The following LILRA5 variants were observed in gnomAD, a reference collection of about 807,000 sequenced individuals.
LILRA5 encodes the protein leukocyte immunoglobulin like receptor A5, also known as leukocyte immunoglobulin-like receptor subfamily A member 5.
LILRA5 carries 31 observed loss-of-function variants against 36.3 expected under a neutral mutation model. The ratio of observed to expected loss-of-function variants is 0.85; its 90% CI spans 0.64 to 1.15. The LOEUF (loss-of-function observed/expected upper bound fraction) is 1.15. Among genes scored for constraint, LILRA5 ranks in the 50% most tolerant of loss-of-function variants. LILRA5 has a pLI of 0.00. For synonymous variants in LILRA5, 144 were observed against 144.8 expected (o/e 0.99, Z 0.04); for missense variants, 348 against 377.4 (o/e 0.92, Z 0.64).
chr19:54,308,436 T>C (rs573467136), intron 5 of LILRA5: 5 of 138,990 alleles, frequency 3.6e-5, no homozygotes, highest in African/African-American at 1.3e-4. Flanking sequence ...TAAAACAATT[T>C]CTGCTTTTAG....
chr19:54,312,166 T>G lies in LILRA5; in HGVS notation c.125-18A>C, dbSNP rs750121232. 2 of 1,612,336 alleles carry G rather than the reference T, an allele frequency of 1.2e-6. No homozygotes were observed. The highest frequency in any genetic ancestry group is 2.2e-5 in the East Asian group (1 of 44,816). On this transcript the variant is annotated intron_variant, in intron 3 of 6. Coordinates refer to ENST00000432233, the MANE Select transcript of LILRA5 (RefSeq NM_021250.4). ...GAGGTTCCCTGGAAGGAAATCAGAGTCTGGGCTCCAAGACCTCCCCACCCC... is the reference window on the plus strand; with the variant it reads ...GAGGTTCCCTGGAAGGAAATCAGAGGCTGGGCTCCAAGACCTCCCCACCCC...
chr19:54,312,726 C>G, intron 1 of LILRA5, 105 bp from the exon 2 acceptor site: 1 of 1,154,434 alleles, frequency 8.7e-7, no homozygotes, highest in Non-Finnish European at 1.3e-6. Flanking sequence ...ACTGCTCTCC[C>G]CAGGAGCCTG....
rs998949176 is a variant in LILRA5, at chr19:54,307,342, C to T, written c.*71G>A. 25 of 1,490,768 alleles carry T rather than the reference C, an allele frequency of 1.7e-5. No homozygotes were observed. The highest frequency in any genetic ancestry group is 2.2e-5 in the Non-Finnish European group (24 of 1,115,720). 92.3% of individuals were successfully genotyped at this position (1,490,768 alleles called of 1,614,324 possible). The stretch of plus-strand genomic sequence containing the variant: ...TGGCATAGGCCTCAGATGGTCTTCC[C>T]GAACCTCCTAGGACCATCAGATTCG... On this transcript the variant is annotated 3_prime_UTR_variant, in exon 7 of 7. Coordinates refer to ENST00000432233, the MANE Select transcript of LILRA5 (RefSeq NM_021250.4).
chr19:54,312,574 G>T lies in LILRA5; in HGVS notation c.51C>A (p.Asp17Glu). Reference sequence around the variant, plus strand: ...GAACCATGAGGGCAGGGCTCACGGCGTCTCCTCCCACTGGCTGCAGCTGTG... The same window carrying T: ...GAACCATGAGGGCAGGGCTCACGGCTTCTCCTCCCACTGGCTGCAGCTGTG... ...PSAQLQPVGG[D>E]AVSPALMVLL... Residue 17 changes from aspartate (D) to glutamate (E), a missense_variant, in exon 2 of 7, where the codon GAC (aspartate) becomes GAA (glutamate). Asp to Glu is a conservative substitution (Grantham distance 45). Transcript: ENST00000432233. 6.2e-7 allele frequency: 1 copy of T among 1,614,168 alleles called. No homozygotes were observed. Among genetic ancestry groups the T allele is most frequent in the Non-Finnish European group, 8.5e-7 (1 of 1,180,018 alleles).
rs375499197 is a variant in LILRA5, at chr19:54,311,473, C to T, written c.653G>A (p.Arg218His). Residue 218 changes from arginine (R) to histidine (H), a missense_variant, in exon 5 of 7, where the codon CGC becomes CAC. By Grantham distance (29) the Arg-to-His change is conservative. Coordinates refer to ENST00000432233, the MANE Select transcript of LILRA5 (RefSeq NM_021250.4). ...HRWMLRCYGS[R>H]RHILQVWSEP... The stretch of plus-strand genomic sequence containing the variant: ...TGACCATACCTGCAGGATATGCCTG[C>T]GAGAGCCATAGCATCTGAGCATCCA... The T allele has an allele frequency of 7.3e-5, 118 of 1,614,146 alleles. No homozygotes were observed. The South Asian group carries it at 8.9e-4, about 12-fold the overall frequency.
At chr19:54,310,733 G>T in intron 5 of LILRA5, 2 of 326,768 alleles carry the variant, frequency 6.1e-6, no homozygotes, top group Non-Finnish European at 1.3e-5. Context: ...GCCGGCCAGT[G>T]GAGGAGGTCA....
chr19:54,311,494 A>G lies in LILRA5; in HGVS notation c.632T>C (p.Met211Thr). Residue 211 changes from methionine to threonine, a missense_variant, in exon 5 of 7, where the codon ATG (methionine) becomes ACG (threonine). By Grantham distance (81) the Met-to-Thr change is moderately conservative (BLOSUM62 -1). Coordinates refer to ENST00000432233, the MANE Select transcript of LILRA5 (RefSeq NM_021250.4). ...CCTGCGAGAGCCATAGCATCTGAGC[A>G]TCCACCTGTGGCTGGGGGTCACAGG... ...VGPVTPSHRW[M>T]LRCYGSRRHI... The G allele has an allele frequency of 6.2e-7, 1 of 1,614,158 alleles. No individual in the cohort carries two copies. Among genetic ancestry groups the G allele is most frequent in the Non-Finnish European group, 8.5e-7 (1 of 1,180,014 alleles).
At chr19:54,312,732 G>A (rs1251064038) in intron 1 of LILRA5, 111 bp from the exon 2 acceptor site, 6 of 1,105,612 alleles carry the variant, frequency 5.4e-6, no homozygotes, top group Non-Finnish European at 7.9e-6. Flanking sequence ...CTCCCCAGGA[G>A]CCTGGCTCTC....
chr19:54,312,783 A>G, intron 1 of LILRA5, 162 bp from the exon 2 acceptor site: 1 of 806,764 alleles, frequency 1.2e-6, no homozygotes, highest in Non-Finnish European at 2.0e-6. Context: ...GACTACAGGC[A>G]CCAGGCTCTC....
Position 54,307,176 on chromosome 19 carries a change from G to A in LILRA5, c.*237C>T, listed in dbSNP as rs1276185736. The A allele has an allele frequency of 1.9e-5, 6 of 313,712 alleles. 1 individual carries two copies. The highest frequency in any genetic ancestry group is 1.2e-4 in the South Asian group (2 of 17,324). 19.4% of individuals were successfully genotyped at this position (313,712 alleles called of 1,614,324 possible). A position where few individuals can be genotyped will look rare whatever the true frequency, so the allele number is the denominator to read the frequency against. On this transcript the variant is annotated 3_prime_UTR_variant, in exon 7 of 7. Transcript: ENST00000432233. ...GGAGAATCACTTGAACCCGAGAGGC[G>A]GAGGTTGCAGTGAGCCCAGATTGCG...
chr19:54,310,729 C>A, intron 5 of LILRA5: 1 of 328,790 alleles, frequency 3.0e-6, no homozygotes, highest in South Asian at 2.4e-5. Context: ...GGCTGCCGGC[C>A]AGTGGAGGAG....
At position 54,313,117 on chromosome 19, in the gene LILRA5, G is replaced by A; in HGVS notation, c.-98C>T. On this transcript the variant is annotated 5_prime_UTR_variant, in exon 1 of 7. Coordinates refer to ENST00000432233, the MANE Select transcript of LILRA5 (RefSeq NM_021250.4). ...GCAGAGACACATCTGACACCTGGCT[G>A]TGTAGCCCAGGCTGAGCTGCATGTG... The A allele has an allele frequency of 2.9e-6, 4 of 1,373,006 alleles. No homozygotes were observed. Among genetic ancestry groups the A allele is most frequent in the African/African-American group, 1.4e-5 (1 of 70,412 alleles). 85.1% of individuals were successfully genotyped at this position (1,373,006 alleles called of 1,614,324 possible).
chr19:54,312,767 A>T, intron 1 of LILRA5, 146 bp from the exon 2 acceptor site: 2 of 858,148 alleles, frequency 2.3e-6, no homozygotes, highest in East Asian at 5.3e-5. Context: ...GAAGTGAAGT[A>T]GTTGAGACTA....
At chr19:54,310,161 G>C (rs985434305) in intron 5 of LILRA5, 2 of 171,400 alleles carry the variant, frequency 1.2e-5, no homozygotes, top group South Asian at 9.6e-5. Flanking sequence ...TGAGAAGTGA[G>C]AGCTGCCAAG....
rs1004167547 is a variant in LILRA5 at position 54,307,313 on chromosome 19, C to CAGA, written c.*97_*99dup. ...AAAAAGAAATTGCCAGCAGACAGTC[C>CAGA]AGATGGCATAGGCCTCAGATGGTCT... On this transcript the variant is annotated 3_prime_UTR_variant, in exon 7 of 7. Transcript: ENST00000432233. 1.2e-4 allele frequency: 132 copies of CAGA among 1,145,684 alleles called. No homozygotes were observed. The Middle Eastern group carries it at 2.1e-3, about 18-fold the overall frequency. 71.0% of individuals were successfully genotyped at this position (1,145,684 alleles called of 1,614,324 possible). A position where few individuals can be genotyped will look rare whatever the true frequency, so the allele number is the denominator to read the frequency against.
intron 5 of LILRA5, chr19:54,308,042 C>A (rs1180842934): frequency 1.4e-5 from 6 of 435,416 alleles, no homozygotes; most frequent in Non-Finnish European, 2.6e-5. Flanking sequence ...CCAGAAGTCA[C>A]TGAGCCCTTT....
chr19:54,309,621 A>AT (rs1440217853), intron 5 of LILRA5: 1 of 152,186 alleles, frequency 6.6e-6, no homozygotes, highest in Non-Finnish European at 1.5e-5. Flanking sequence ...ATAAACTTCA[A>AT]TTTTATATAT....
intron 5 of LILRA5, 120 bp downstream of exon 5, chr19:54,311,294 G>A: frequency 1.9e-6 from 3 of 1,604,194 alleles, no homozygotes; most frequent in Non-Finnish European, 2.6e-6. Context: ...GTGTCCCTAG[G>A]ATTTCTGTGT....
chr19:54,312,162 A>C lies in LILRA5; in HGVS notation c.125-14T>G. 1.2e-6 allele frequency: 2 copies of C among 1,613,140 alleles called. No homozygotes were observed. The highest frequency in any genetic ancestry group is 8.5e-7 in the Non-Finnish European group (1 of 1,179,490). ...TGGAGAGGTTCCCTGGAAGGAAATC[A>C]GAGTCTGGGCTCCAAGACCTCCCCA... On this transcript the variant is annotated splice_polypyrimidine_tract_variant and intron_variant, in intron 3 of 6. Coordinates refer to ENST00000432233, the MANE Select transcript of LILRA5 (RefSeq NM_021250.4).
Sources: gnomAD v4.1 joint callset for allele counts on GRCh38, gnomAD v4.1.1 for gene constraint, MANE v1.5 for transcripts, NCBI Gene and HGNC (gene_info 2026-07-23, HGNC 2026-07-21) for gene names.